The following CSMD2 variants were observed in gnomAD, a reference collection of about 807,000 sequenced individuals.
The protein encoded by CSMD2 is CUB and Sushi multiple domains 2.
In CSMD2, 130 loss-of-function variants were observed where a neutral mutation model predicts 398.5. The observed-to-expected ratio is 0.33, with a 90% confidence interval of 0.28 to 0.38. CSMD2 has a LOEUF of 0.38. Ranked by LOEUF, CSMD2 falls within the 10% of genes least tolerant of loss-of-function variation. The pLI is 1.00. For missense variants in CSMD2, 3,829 were observed against 4,764.9 expected (o/e 0.80, Z 5.78); for synonymous variants, 1,828 against 1,908.5 (o/e 0.96, Z 1.10).
chr1:33,936,859 T>A (rs1353776365), intron 3 of CSMD2, among the ~76,000 whole-genome samples: 1 of 152,166 alleles, frequency 6.6e-6, no homozygotes, highest in African/African-American at 2.4e-5. Flanking sequence ...GGGGTCTTAG[T>A]CATGCCCAGA....
chr1:33,937,518 T>C (rs2125331254), intron 3 of CSMD2, among the ~76,000 whole-genome samples: 1 of 152,326 alleles, frequency 6.6e-6, no homozygotes, highest in South Asian at 2.1e-4. Flanking sequence ...CAATACCCTC[T>C]TCCTGCCAAT....
chr1:33,573,535 A>C (rs1461687421), intron 49 of CSMD2, among the ~76,000 whole-genome samples: 1 of 151,880 alleles, frequency 6.6e-6, no homozygotes, highest in Non-Finnish European at 1.5e-5. Flanking sequence ...AAAAAAAAAC[A>C]AGGACAAACT....
chr1:34,003,871 A>C (rs1646976850), intron 3 of CSMD2, among the ~76,000 whole-genome samples: 1 of 152,200 alleles, frequency 6.6e-6, no homozygotes, highest in South Asian at 2.1e-4. Context: ...GAGGCCTTTC[A>C]GGCTGATCCA....
intron 55 of CSMD2, 111 bp from the exon 56 acceptor site, chr1:33,550,461 G>C (rs1657338042): frequency 8.4e-7 from 1 of 1,184,554 alleles, no homozygotes; most frequent in Non-Finnish European, 1.2e-6. Flanking sequence ...GAAACCCAAG[G>C]GTATCTGTTG....
At chr1:33,682,142 A>G (rs749044726) in intron 25 of CSMD2, among the ~76,000 whole-genome samples, 3 of 152,164 alleles carry the variant, frequency 2.0e-5, no homozygotes, top group African/African-American at 7.2e-5. Context: ...TGCTGCTGGC[A>G]TTCGTTGGCT....
In CSMD2 at chr1:33,633,645, TG is replaced by T. The variant is rs1642608917; in HGVS notation, c.5087-111del. The stretch of plus-strand genomic sequence containing the variant: ...AGGAGGGCAGCCCTGGGGAAGTTGT[TG>T]GTTCCTGGGCTGTGGCTTGCTGCAC... On this transcript the variant is annotated intron_variant, in intron 31 of 70. Coordinates refer to ENST00000373381, the MANE Select transcript of CSMD2 (RefSeq NM_001281956.2). This position sits in a 1 kb window ranked among gnomAD's most constrained non-coding sequence, Gnocchi z 5.0. 3 of 775,192 alleles carry T rather than the reference TG, an allele frequency of 3.9e-6. No individual in the cohort carries two copies. The Admixed American group carries it at 6.3e-5, about 16-fold the overall frequency. 48.0% of individuals were successfully genotyped at this position (775,192 alleles called of 1,614,324 possible). A position where few individuals can be genotyped will look rare whatever the true frequency, so the allele number is the denominator to read the frequency against.
At chr1:33,836,986 T>C (rs1310297769) in intron 6 of CSMD2, among the ~76,000 whole-genome samples, 1 of 152,254 alleles carries the variant, frequency 6.6e-6, no homozygotes, top group Non-Finnish European at 1.5e-5. Context: ...GAGCTGTTCC[T>C]ATTCGGCCAT....
At chr1:33,542,917 A>C in intron 57 of CSMD2, 21 bp from the exon 58 acceptor site, 2 of 1,609,396 alleles carry the variant, frequency 1.2e-6, no homozygotes, top group Non-Finnish European at 1.7e-6. Flanking sequence ...AAAAATACAC[A>C]TTATTCACCA....
chr1:33,991,957 A>C (rs1432825112), intron 3 of CSMD2, among the ~76,000 whole-genome samples: 1 of 152,174 alleles, frequency 6.6e-6, no homozygotes, highest in Non-Finnish European at 1.5e-5. Flanking sequence ...CACAAACACA[A>C]ATGGAGGATA....
At chr1:34,008,652 A>G (rs1401381081) in intron 3 of CSMD2, among the ~76,000 whole-genome samples, 2 of 152,254 alleles carry the variant, frequency 1.3e-5, no homozygotes, top group African/African-American at 4.8e-5. Context: ...ACAGATGGGC[A>G]GCTTCTAATA....
rs1644340136 is a variant in CSMD2, at chr1:33,667,010, G to A, written c.4053-3918C>T. ...AGATAAGACCTGGAGGCAGAGAGGA[G>A]GTGAAGCTGTCCGGGAAGAAAGGCA... On this transcript the variant is annotated intron_variant, in intron 25 of 70. Coordinates refer to ENST00000373381, the MANE Select transcript of CSMD2 (RefSeq NM_001281956.2). Among the ~76,000 whole-genome samples the A allele has an allele frequency of 3.3e-5, 5 of 152,306 alleles. No individual in the cohort carries two copies. The South Asian group carries it at 1.0e-3, about 32-fold the overall frequency.
chr1:33,995,133 G>C (rs1004349780), intron 3 of CSMD2, among the ~76,000 whole-genome samples: 1 of 152,018 alleles, frequency 6.6e-6, no homozygotes, highest in Non-Finnish European at 1.5e-5. Context: ...AACCCAATGG[G>C]TTCTTTGCAA....
intron 3 of CSMD2, among the ~76,000 whole-genome samples, chr1:34,019,766 G>T (rs1253993342): frequency 1.3e-5 from 2 of 152,082 alleles, no homozygotes; most frequent in African/African-American, 4.8e-5. Flanking sequence ...ACTCCTTCCT[G>T]TGGCCTCCTA....
chr1:34,010,880 C>G lies in CSMD2; in HGVS notation c.517+21714G>C, dbSNP rs1647256813. ...GACCTCGTGATCTGCCCGCCTCGGCCTCCCAGAGTGCTGGGATTAGAGGCA... is the reference window on the plus strand; with the variant it reads ...GACCTCGTGATCTGCCCGCCTCGGCGTCCCAGAGTGCTGGGATTAGAGGCA... On this transcript the variant is annotated intron_variant, in intron 3 of 70. Transcript: ENST00000373381. Among the ~76,000 whole-genome samples the G allele has an allele frequency of 3.9e-5, 6 of 152,330 alleles. No homozygotes were observed. In the South Asian group the frequency reaches 1.2e-3, roughly 32 times the overall value.
rs1281635850 is a variant in CSMD2 at position 33,519,686 on chromosome 1, A to G, written c.10737-9T>C. 6.2e-7 allele frequency: 1 copy of G among 1,613,786 alleles called. No individual in the cohort carries two copies. The highest frequency in any genetic ancestry group is 8.5e-7 in the Non-Finnish European group (1 of 1,179,970). The stretch of plus-strand genomic sequence containing the variant: ...GAACTTTGGGTCTTCTCCTGGCGAT[A>G]AAAGAGGAAGTGCCCACGGCATGAA... On this transcript the variant is annotated splice_polypyrimidine_tract_variant and intron_variant, in intron 69 of 70. Coordinates refer to ENST00000373381, the MANE Select transcript of CSMD2 (RefSeq NM_001281956.2). This position sits in a 1 kb window ranked among gnomAD's most constrained non-coding sequence, Gnocchi z 5.6.
At chr1:34,006,398 C>A (rs979644815) in intron 3 of CSMD2, among the ~76,000 whole-genome samples, 41 of 152,146 alleles carry the variant, frequency 2.7e-4, no homozygotes, top group African/African-American at 9.9e-4. Context: ...ATCAACTGCT[C>A]CTATTCCACC....
chr1:34,022,516 C>T (rs978162197), intron 3 of CSMD2, among the ~76,000 whole-genome samples: 15 of 152,136 alleles, frequency 9.9e-5, no homozygotes, highest in African/African-American at 2.9e-4. Context: ...AGAAAATACA[C>T]GAGTGATGCA....
chr1:34,061,975 C>A (rs1457523680), intron 2 of CSMD2, among the ~76,000 whole-genome samples: 1 of 152,148 alleles, frequency 6.6e-6, no homozygotes, highest in East Asian at 1.9e-4. Context: ...TGCTTCAAGC[C>A]TCTCCATATC....
At chr1:33,810,661 T>C in intron 10 of CSMD2, 82 bp downstream of exon 10, 1 of 1,414,408 alleles carries the variant, frequency 7.1e-7, no homozygotes, top group Non-Finnish European at 9.7e-7. Flanking sequence ...CAGTAAGTTC[T>C]GGGTTTGAAA....
Sources: gnomAD v4.1 joint callset for allele counts (sites outside exome capture counted in the v4.1 genomes callset) on GRCh38, gnomAD v4.1.1 for gene constraint, Gnocchi (gnomAD v3.1) non-coding constraint, MANE v1.5 for transcripts, NCBI Gene and HGNC (gene_info 2026-07-23, HGNC 2026-07-21) for gene names.